The following CHRAC1 variants were observed in gnomAD, a reference collection of about 807,000 sequenced individuals.
CHRAC1 encodes the protein chromatin accessibility complex protein 1.
In CHRAC1, 6 loss-of-function variants were observed where a neutral mutation model predicts 9.1. That is an observed-to-expected ratio of 0.66 (90% confidence interval 0.36 to 1.29). The LOEUF (loss-of-function observed/expected upper bound fraction) is 1.29. Ranked by LOEUF, CHRAC1 falls within the 50% of genes most tolerant of loss-of-function variation. CHRAC1 has a pLI of 0.03. For missense variants in CHRAC1, 168 were observed against 163.5 expected, an observed-to-expected ratio of 1.03 and a Z score of -0.15; for synonymous variants, 73 against 64.5, an observed-to-expected ratio of 1.13 and a Z score of -0.63.
chr8:140,511,541 G>A lies in CHRAC1; in HGVS notation c.42G>A (p.Gln14=), dbSNP rs11537875. The A allele has an allele frequency of 7.0e-7, 1 of 1,423,222 alleles. No individual in the cohort carries two copies. The highest frequency in any genetic ancestry group is 9.3e-7 in the Non-Finnish European group (1 of 1,080,526). The allele number at this position is 1,423,222 out of a possible 1,614,324, so 88.2% of individuals were successfully genotyped here. The part of the protein sequence containing the change: ...VVVGKDKGGE[Q]RLISLPLSRI... ...TGGGTAAAGACAAGGGCGGGGAGCA[G>A]CGGCTCATCTCGCTGCCTCTATCCC... Residue 14 remains glutamine (Q), a synonymous_variant, in exon 1 of 3, where the codon CAG becomes CAA. Transcript: ENST00000220913.
intron 1 of CHRAC1, 141 bp downstream of exon 1, chr8:140,511,787 C>T: frequency 1.1e-6 from 1 of 896,584 alleles, no homozygotes; most frequent in Non-Finnish European, 1.6e-6. Context: ...CTGTCCCCGT[C>T]CCACGCCGGC....
rs199750377 is a variant in CHRAC1 at position 140,511,666 on chromosome 8, G to A, written c.147+20G>A. ...GCCACGGTGAGGGGGCAGGGCGGGGGTGTGGGCCGCCCTTACCCCTCGCGC... is the reference window on the plus strand; with the variant it reads ...GCCACGGTGAGGGGGCAGGGCGGGGATGTGGGCCGCCCTTACCCCTCGCGC... On this transcript the variant is annotated intron_variant, in intron 1 of 2. Transcript: ENST00000220913. 0.023 allele frequency: 31,557 copies of A among 1,365,624 alleles called. 445 individuals are homozygous for A. The highest frequency in any genetic ancestry group is 0.027 in the Non-Finnish European group (27,961 of 1,052,584). The allele number at this position is 1,365,624 out of a possible 1,614,324, so 84.6% of individuals were successfully genotyped here.
At position 140,515,119 on chromosome 8, in the gene CHRAC1, T is replaced by A; in HGVS notation, c.275-7T>A. 3 of 1,610,722 alleles carry A rather than the reference T, an allele frequency of 1.9e-6. No individual in the cohort carries two copies. The South Asian group carries it at 3.3e-5, about 18-fold the overall frequency. ...CCAATTGCTGATGTACGCTTTATGT[T>A]TTTAAGATATATTACCAAAGAAGAT... On this transcript the variant is annotated splice_region_variant and splice_polypyrimidine_tract_variant and intron_variant, in intron 2 of 2. Transcript: ENST00000220913.
At chr8:140,512,867 G>C (rs113724811) in intron 1 of CHRAC1, among the ~76,000 whole-genome samples, 2 of 152,308 alleles carry the variant, frequency 1.3e-5, no homozygotes, top group East Asian at 1.9e-4. Flanking sequence ...TCCCAGGCTG[G>C]AGTGCGGTGG....
Position 140,511,327 on chromosome 8 carries a change from G to C in CHRAC1, c.-173G>C. On this transcript the variant is annotated 5_prime_UTR_variant, in exon 1 of 3. Transcript: ENST00000220913. Reference sequence around the variant, plus strand: ...GCAGATCGGGGGCGCGAGGCCTCACGGAGCTCGTAGTTTCCCGGACGGGCC... The same window carrying C: ...GCAGATCGGGGGCGCGAGGCCTCACCGAGCTCGTAGTTTCCCGGACGGGCC... The C allele has an allele frequency of 2.2e-6, 1 of 451,002 alleles. No homozygotes were observed. The highest frequency in any genetic ancestry group is 3.6e-6 in the Non-Finnish European group (1 of 278,628). The allele number at this position is 451,002 out of a possible 1,614,324, so 27.9% of individuals were successfully genotyped here.
intron 1 of CHRAC1, among the ~76,000 whole-genome samples, chr8:140,512,956 A>G (rs1277995733): frequency 6.6e-6 from 1 of 152,132 alleles, no homozygotes; most frequent in Non-Finnish European, 1.5e-5. Flanking sequence ...AGCTGGGATT[A>G]CAGGTGCCTG....
intron 1 of CHRAC1, among the ~76,000 whole-genome samples, chr8:140,513,850 G>A (rs1191925562): frequency 1.3e-5 from 2 of 149,838 alleles, no homozygotes. Flanking sequence ...CTGCTTCTCC[G>A]CCAATTTTGA....
At chr8:140,511,769 G>A in intron 1 of CHRAC1, 123 bp downstream of exon 1, 1 of 916,862 alleles carries the variant, frequency 1.1e-6, no homozygotes, top group East Asian at 4.0e-5. Context: ...GGGCTCGCGC[G>A]CGCCCCGCTG....
intron 2 of CHRAC1, 103 bp downstream of exon 2, chr8:140,514,598 T>C (rs2072315206): frequency 3.9e-6 from 4 of 1,032,514 alleles, no homozygotes; most frequent in Non-Finnish European, 5.4e-6. Flanking sequence ...TTAGACTTTT[T>C]GCTACTTTTT....
intron 1 of CHRAC1, chr8:140,511,949 T>G: frequency 7.8e-7 from 1 of 1,277,288 alleles, no homozygotes; most frequent in Non-Finnish European, 1.0e-6. Flanking sequence ...GCCCGCCCCT[T>G]CCTTCCGTGC....
intron 2 of CHRAC1, 74 bp downstream of exon 2, chr8:140,514,569 C>T: frequency 7.8e-7 from 1 of 1,285,302 alleles, no homozygotes; most frequent in Non-Finnish European, 1.0e-6. Context: ...CCTTGCCTCC[C>T]TTCTGCTCTC....
chr8:140,515,763 TTTCTA>T lies in CHRAC1; in HGVS notation c.*519_*523del, dbSNP rs1406552951. On this transcript the variant is annotated 3_prime_UTR_variant, in exon 3 of 3. Coordinates refer to ENST00000220913, the MANE Select transcript of CHRAC1 (RefSeq NM_017444.6). ...TTTTTCTACTGTAAAGAAATATACTTTTCTATTAAAGATCTGTACATATTTTTACA... is the reference window on the plus strand; with the variant it reads ...TTTTTCTACTGTAAAGAAATATACTTTTAAAGATCTGTACATATTTTTACA... 1 of 152,480 alleles carries T rather than the reference TTTCTA, an allele frequency of 6.6e-6. No homozygotes were observed. The highest frequency in any genetic ancestry group is 2.4e-5 in the African/African-American group (1 of 41,462). The allele number at this position is 152,480 out of a possible 1,614,324, so 9.4% of individuals were successfully genotyped here.
At position 140,515,217 on chromosome 8, in the gene CHRAC1, T is replaced by C; in HGVS notation, c.366T>C (p.Asn122=). 2 of 1,614,074 alleles carry C rather than the reference T, an allele frequency of 1.2e-6. No individual in the cohort carries two copies. Among genetic ancestry groups the C allele is most frequent in the Middle Eastern group, 1.6e-4 (1 of 6,062 alleles). ...REEDEENDND[N]ESDHDEADS Reference sequence around the variant, plus strand: ...AAGATGAGGAGAATGACAATGATAATGAAAGTGACCATGATGAAGCTGACT... The same window carrying C: ...AAGATGAGGAGAATGACAATGATAACGAAAGTGACCATGATGAAGCTGACT... The change falls in exon 3 of 3, where the codon AAT becomes AAC. Residue 122 remains asparagine (N), a synonymous_variant. Coordinates refer to ENST00000220913, the MANE Select transcript of CHRAC1 (RefSeq NM_017444.6).
rs143839289 is a variant in CHRAC1, at chr8:140,514,411, G to A, written c.190G>A (p.Gly64Ser). The A allele has an allele frequency of 6.3e-6, 10 of 1,586,412 alleles. No homozygotes were observed. Among genetic ancestry groups the A allele is most frequent in the African/African-American group, 1.4e-5 (1 of 72,874 alleles). ...QCLATYSYRH[G>S]SGKEKKVLTY... Reference sequence around the variant, plus strand: ...CCTAGCCACCTATTCCTACAGACACGGCAGTGGAAAGGAAAAGAAAGTACT... The same window carrying A: ...CCTAGCCACCTATTCCTACAGACACAGCAGTGGAAAGGAAAAGAAAGTACT... Residue 64 changes from glycine to serine, a missense_variant, in exon 2 of 3, where the codon GGC (glycine) becomes AGC (serine). Physicochemically the swap from Gly to Ser is moderately conservative, Grantham distance 56. Coordinates refer to ENST00000220913, the MANE Select transcript of CHRAC1 (RefSeq NM_017444.6).
chr8:140,513,423 T>C (rs1564058601), intron 1 of CHRAC1, among the ~76,000 whole-genome samples: 3 of 152,136 alleles, frequency 2.0e-5, no homozygotes, highest in Admixed American at 1.3e-4. Flanking sequence ...AATGGCTTTT[T>C]GCTACTTTCT....
Position 140,511,341 on chromosome 8 carries a change from C to A in CHRAC1, c.-159C>A. ...CGAGGCCTCACGGAGCTCGTAGTTT[C>A]CCGGACGGGCCGCTCCCGGCCTCGC... is the stretch of plus-strand genomic sequence containing the variant. On this transcript the variant is annotated 5_prime_UTR_variant, in exon 1 of 3. Transcript: ENST00000220913. 1 of 540,378 alleles carries A rather than the reference C, an allele frequency of 1.9e-6. No homozygotes were observed. 33.5% of individuals were successfully genotyped at this position (540,378 alleles called of 1,614,324 possible). A position where few individuals can be genotyped will look rare whatever the true frequency, so the allele number is the denominator to read the frequency against.
chr8:140,514,841 T>C, intron 2 of CHRAC1: 1 of 378,716 alleles, frequency 2.6e-6, no homozygotes, highest in Non-Finnish European at 4.8e-6. Flanking sequence ...AAGTCTACCC[T>C]GGGGCTAGCC....
intron 1 of CHRAC1, among the ~76,000 whole-genome samples, chr8:140,513,589 G>T (rs1283374877): frequency 6.6e-6 from 1 of 151,570 alleles, no homozygotes; most frequent in Non-Finnish European, 1.5e-5. Flanking sequence ...CCGCCACCAT[G>T]CCCGGCTAAT....
Position 140,516,232 on chromosome 8 carries a change from C to T in CHRAC1, c.*985C>T, listed in dbSNP as rs936961512. The T allele has an allele frequency of 6.6e-6, 1 of 152,098 alleles. No individual in the cohort carries two copies. Among genetic ancestry groups the T allele is most frequent in the Non-Finnish European group, 1.5e-5 (1 of 68,036 alleles). The allele number at this position is 152,098 out of a possible 1,614,324, so 9.4% of individuals were successfully genotyped here. ...GCGCTGTCTCAGCTCACTGCAACCT[C>T]CGCCTCCCAGGTTCAAGTGATTCTC... On this transcript the variant is annotated 3_prime_UTR_variant, in exon 3 of 3. Coordinates refer to ENST00000220913, the MANE Select transcript of CHRAC1 (RefSeq NM_017444.6).
Sources: allele counts gnomAD v4.1 joint callset (sites outside exome capture counted in the v4.1 genomes callset), GRCh38; gene constraint gnomAD v4.1.1; transcripts MANE v1.5; gene names NCBI Gene and HGNC (gene_info 2026-07-23, HGNC 2026-07-21).